Variants in SUCLG2 observed in about 807,000 individuals in gnomAD.
SUCLG2 encodes the protein succinate-CoA ligase GDP-forming subunit beta.
Under a neutral mutation model 47.9 loss-of-function variants are expected in SUCLG2, and 42 were observed. That is an observed-to-expected ratio of 0.88 (90% CI 0.69 to 1.14). SUCLG2 has a LOEUF of 1.14. SUCLG2 is among the 50% of genes most tolerant of loss of function. The pLI is 0.00. For synonymous variants in SUCLG2, 195 were observed against 197.3 expected (o/e 0.99, Z 0.10); for missense variants, 571 against 525.9 (o/e 1.09, Z -0.84).
At chr3:67,390,787 G>A (rs926014588) in intron 10 of SUCLG2, among the ~76,000 whole-genome samples, 4 of 152,078 alleles carry the variant, frequency 2.6e-5, no homozygotes, top group Non-Finnish European at 2.9e-5. Context: ...TGTACAAAGC[G>A]TTTTGGCCAA....
chr3:67,616,609 A>G (rs1700634519), intron 1 of SUCLG2, among the ~76,000 whole-genome samples: 1 of 152,238 alleles, frequency 6.6e-6, no homozygotes. Flanking sequence ...CATAAATATC[A>G]ATCTACTTAA....
At chr3:67,561,908 T>C (rs1322792234) in intron 2 of SUCLG2, among the ~76,000 whole-genome samples, 6 of 152,222 alleles carry the variant, frequency 3.9e-5, no homozygotes, top group African/African-American at 1.4e-4. Context: ...AGTTTGCTAT[T>C]ACACTGTAGG....
chr3:67,438,015 C>T lies in SUCLG2; in HGVS notation c.1063-37164G>A, dbSNP rs545598221. On this transcript the variant is annotated intron_variant, in intron 9 of 10. Coordinates refer to ENST00000307227, the MANE Select transcript of SUCLG2 (RefSeq NM_003848.4). Reference sequence around the variant, plus strand: ...TATACGTGATGCACTGTCGCTTCTGCGATTAGTGATAAAAAGACTGTGGCT... The same window carrying T: ...TATACGTGATGCACTGTCGCTTCTGTGATTAGTGATAAAAAGACTGTGGCT... Among the ~76,000 whole-genome samples the T allele has an allele frequency of 1.2e-4, 19 of 152,058 alleles. No individual in the cohort carries two copies. The South Asian group carries it at 2.9e-3, about 23-fold the overall frequency.
chr3:67,631,129 A>G (rs1393402165), intron 1 of SUCLG2, among the ~76,000 whole-genome samples: 1 of 152,200 alleles, frequency 6.6e-6, no homozygotes, highest in Non-Finnish European at 1.5e-5. Context: ...CTCACTAGCT[A>G]CTTGACAGCA....
chr3:67,564,793 G>A (rs776355855), intron 2 of SUCLG2, among the ~76,000 whole-genome samples: 4 of 152,174 alleles, frequency 2.6e-5, no homozygotes, highest in Non-Finnish European at 5.9e-5. Flanking sequence ...GCCCAAGGAA[G>A]CCAAAAGACT....
At chr3:67,454,232 T>G (rs1029833531) in intron 9 of SUCLG2, among the ~76,000 whole-genome samples, 1 of 152,200 alleles carries the variant, frequency 6.6e-6, no homozygotes, top group African/African-American at 2.4e-5. Flanking sequence ...CTTACCCATT[T>G]ATATATCTCC....
intron 1 of SUCLG2, among the ~76,000 whole-genome samples, chr3:67,630,560 G>A (rs11719952): frequency 0.31 from 47,478 of 152,094 alleles, 7,809 homozygotes; most frequent in Non-Finnish European, 0.37. Flanking sequence ...TAACAATTGT[G>A]CCAAGCACCT....
rs149608694 is a variant in SUCLG2, at chr3:67,488,966, T to G, written c.1062+6832A>C. 4.5e-3 allele frequency among the ~76,000 whole-genome samples: 681 copies of G among 152,296 alleles called. 11 individuals are homozygous for G. The East Asian group carries it at 0.059, about 13-fold the overall frequency. ...GTCACTTACCATAAAACAAAGTAGG[T>G]TGCATTAAAACCTGGATTTTGAAGA... On this transcript the variant is annotated intron_variant, in intron 9 of 10. Transcript: ENST00000307227.
intron 2 of SUCLG2, among the ~76,000 whole-genome samples, chr3:67,579,499 G>A (rs1401553344): frequency 6.6e-6 from 1 of 152,136 alleles, no homozygotes; most frequent in Non-Finnish European, 1.5e-5. Flanking sequence ...CAGACTACGT[G>A]CAATATAAAA....
intron 10 of SUCLG2, among the ~76,000 whole-genome samples, chr3:67,394,642 A>C (rs375171414): frequency 7.2e-5 from 11 of 152,054 alleles, no homozygotes; most frequent in Admixed American, 4.6e-4. Flanking sequence ...GCAAGGCAGG[A>C]CAACATTCAG....
intron 9 of SUCLG2, among the ~76,000 whole-genome samples, chr3:67,485,450 G>A (rs942070471): frequency 9.2e-5 from 14 of 152,066 alleles, no homozygotes; most frequent in African/African-American, 3.4e-4. Context: ...AGTTCCACAT[G>A]CTTTTTGAAA....
At chr3:67,400,281 AT>A (rs963689940) in intron 10 of SUCLG2, among the ~76,000 whole-genome samples, 28 of 151,952 alleles carry the variant, frequency 1.8e-4, no homozygotes, top group Non-Finnish European at 3.5e-4. Flanking sequence ...TATACAAATT[AT>A]TTTTTAAGAG....
chr3:67,612,681 C>T (rs1476576806), intron 1 of SUCLG2, among the ~76,000 whole-genome samples: 1 of 152,196 alleles, frequency 6.6e-6, no homozygotes, highest in South Asian at 2.1e-4. Context: ...TCCTTCTAGG[C>T]ACTTCCTTAC....
At chr3:67,457,711 A>G (rs1417607684) in intron 9 of SUCLG2, among the ~76,000 whole-genome samples, 3 of 23,558 alleles carry the variant, frequency 1.3e-4, no homozygotes, top group East Asian at 1.4e-3. Context: ...TTTTTTTTTT[A>G]GCTGTTTTTA....
At chr3:67,609,089 G>A (rs2107312042) in intron 2 of SUCLG2, among the ~76,000 whole-genome samples, 1 of 152,342 alleles carries the variant, frequency 6.6e-6, no homozygotes, top group East Asian at 1.9e-4. Flanking sequence ...GCAGGGCCCA[G>A]TCTAGAGGAA....
chr3:67,591,500 G>T (rs1475855146), intron 2 of SUCLG2, among the ~76,000 whole-genome samples: 1 of 152,148 alleles, frequency 6.6e-6, no homozygotes, highest in Non-Finnish European at 1.5e-5. Context: ...AATCATGGGG[G>T]CCAGTCTTTC....
At chr3:67,425,525 A>T (rs1231692636) in intron 9 of SUCLG2, among the ~76,000 whole-genome samples, 1 of 152,184 alleles carries the variant, frequency 6.6e-6, no homozygotes, top group Non-Finnish European at 1.5e-5. Context: ...AGCATAAAAA[A>T]AAAGGTGGAA....
At chr3:67,628,883 T>C (rs1178376334) in intron 1 of SUCLG2, among the ~76,000 whole-genome samples, 1 of 152,154 alleles carries the variant, frequency 6.6e-6, no homozygotes, top group East Asian at 1.9e-4. Flanking sequence ...GGGAATTATA[T>C]ATAGCAAGAA....
intron 9 of SUCLG2, among the ~76,000 whole-genome samples, chr3:67,451,242 T>C (rs546003252): frequency 6.6e-6 from 1 of 152,330 alleles, no homozygotes; most frequent in African/African-American, 2.4e-5. Context: ...CATCCAAACT[T>C]TACTCATCTG....
Sources: allele counts gnomAD v4.1 joint callset (sites outside exome capture counted in the v4.1 genomes callset), GRCh38; gene constraint gnomAD v4.1.1; transcripts MANE v1.5; gene names NCBI Gene and HGNC (gene_info 2026-07-23, HGNC 2026-07-21).